The following PTPRS variants were observed in gnomAD, a reference collection of about 807,000 sequenced individuals.
PTPRS encodes the protein receptor-type tyrosine-protein phosphatase S.
Under a neutral mutation model 215.3 loss-of-function variants are expected in PTPRS, and 63 were observed. That is an observed-to-expected ratio of 0.29 (90% CI 0.24 to 0.36). PTPRS has a LOEUF of 0.36. PTPRS is among the 10% of genes least tolerant of loss of function. The pLI, the probability that PTPRS is intolerant of heterozygous loss-of-function variation, is 1.00. For missense variants in PTPRS, 2,258 were observed against 2,825.8 expected (o/e 0.80, Z 4.56); for synonymous variants, 1,404 against 1,191.4 (o/e 1.18, Z -3.68).
Position 5,229,565 on chromosome 19 carries a change from G to T in PTPRS, c.2275C>A (p.His759Asn). 6.9e-7 allele frequency: 1 copy of T among 1,458,354 alleles called. No individual in the cohort carries two copies. 90.3% of individuals were successfully genotyped at this position (1,458,354 alleles called of 1,614,324 possible). ...QHGQIRGYQV[H>N]YVRMEGAEAR... ...TCGGCGCCCTCCATGCGCACGTAGTGGACCTGGTAGCCGCGGATCTGGCCG... is the reference window on the plus strand; with the variant it reads ...TCGGCGCCCTCCATGCGCACGTAGTTGACCTGGTAGCCGCGGATCTGGCCG... The change falls in exon 15 of 38, where the codon CAC (histidine) becomes AAC (asparagine). Residue 759 changes from histidine to asparagine, a missense_variant. By Grantham distance (68) the His-to-Asn change is moderately conservative. Around this residue, in one of 6 missense-constraint regions of PTPRS, gnomAD observed 371 missense variants for 446.7 expected, o/e 0.83. Coordinates refer to ENST00000262963, the MANE Select transcript of PTPRS (RefSeq NM_002850.4).
At chr19:5,241,017 G>A (rs1434493881) in intron 11 of PTPRS, among the ~76,000 whole-genome samples, 3 of 147,518 alleles carry the variant, frequency 2.0e-5, no homozygotes, top group Non-Finnish European at 3.0e-5. Flanking sequence ...AGCCTCCCAA[G>A]TAGCTGGGAT....
intron 1 of PTPRS, among the ~76,000 whole-genome samples, chr19:5,307,958 C>T (rs962064948): frequency 6.6e-6 from 1 of 152,162 alleles, no homozygotes; most frequent in African/African-American, 2.4e-5. Flanking sequence ...AGAGATCATC[C>T]GGCCGGCAAA....
Position 5,222,560 on chromosome 19 carries a change from C to CT in PTPRS, c.3103+128dup, listed in dbSNP as rs1599461587. 2.7e-6 allele frequency: 3 copies of CT among 1,129,564 alleles called. No homozygotes were observed. The East Asian group carries it at 8.4e-5, about 32-fold the overall frequency. 70.0% of individuals were successfully genotyped at this position (1,129,564 alleles called of 1,614,324 possible). On this transcript the variant is annotated intron_variant, in intron 18 of 37. Coordinates refer to ENST00000262963, the MANE Select transcript of PTPRS (RefSeq NM_002850.4). ...CAACGCCGGAGCCTCGGGGTCCGGACTTGCCTTGAGTGACCACGAGGAAGC... is the reference window on the plus strand; with the variant it reads ...CAACGCCGGAGCCTCGGGGTCCGGACTTTGCCTTGAGTGACCACGAGGAAGC...
intron 4 of PTPRS, among the ~76,000 whole-genome samples, chr19:5,272,149 C>A (rs1454929941): frequency 6.6e-6 from 1 of 152,168 alleles, no homozygotes; most frequent in Non-Finnish European, 1.5e-5. Context: ...TAAGACCAAA[C>A]TGCAGTGGAG....
chr19:5,300,588 T>C (rs1300731472), intron 1 of PTPRS, among the ~76,000 whole-genome samples: 1 of 151,820 alleles, frequency 6.6e-6, no homozygotes, highest in African/African-American at 2.4e-5. Context: ...CTGGGCAATA[T>C]AGTGAGACCC....
chr19:5,297,527 C>T (rs1380331578), intron 1 of PTPRS, among the ~76,000 whole-genome samples: 1 of 152,114 alleles, frequency 6.6e-6, no homozygotes, highest in African/African-American at 2.4e-5. Context: ...TGGACACCCA[C>T]AGAAAAACAA....
intron 1 of PTPRS, among the ~76,000 whole-genome samples, chr19:5,326,778 A>G (rs1299515123): frequency 1.5e-5 from 1 of 67,710 alleles, no homozygotes; most frequent in East Asian, 2.8e-4. Flanking sequence ...AGAAGGGAAG[A>G]GAAGGAAGGA....
At chr19:5,325,842 G>A (rs984451038) in intron 1 of PTPRS, among the ~76,000 whole-genome samples, 1 of 152,244 alleles carries the variant, frequency 6.6e-6, no homozygotes, top group African/African-American at 2.4e-5. Flanking sequence ...AGGCCATGGG[G>A]AAGCAACGCT....
In PTPRS at chr19:5,219,978, A is replaced by ATAG; in HGVS notation, c.3723_3725dup (p.Tyr1242dup). 1 of 1,613,926 alleles carries ATAG rather than the reference A, an allele frequency of 6.2e-7. No homozygotes were observed. The highest frequency in any genetic ancestry group is 8.5e-7 in the Non-Finnish European group (1 of 1,180,002). On this transcript the variant is annotated inframe_insertion, in exon 22 of 38. Transcript: ENST00000262963. ...GAAGCACGGCAAGCACGAAGAGGAC[A>ATAG]TAGCGGTGGCCGGGCTCCAGGCCCC...
intron 11 of PTPRS, among the ~76,000 whole-genome samples, chr19:5,240,557 C>T (rs1003277505): frequency 5.9e-5 from 9 of 152,056 alleles, no homozygotes; most frequent in Admixed American, 2.0e-4. Flanking sequence ...ATCCCCCTTT[C>T]GGCCGGGCAC....
At chr19:5,332,112 G>T (rs991258672) in intron 1 of PTPRS, among the ~76,000 whole-genome samples, 2 of 151,390 alleles carry the variant, frequency 1.3e-5, no homozygotes, top group East Asian at 3.9e-4. Flanking sequence ...TTCAACCCAA[G>T]GATGTTAAAA....
rs757380672 is a variant in PTPRS, at chr19:5,257,460, G to T, written c.706+557C>A. 4.4e-6 allele frequency: 2 copies of T among 457,902 alleles called. No homozygotes were observed. The highest frequency in any genetic ancestry group is 4.0e-5 in the African/African-American group (2 of 50,132). The allele number at this position is 457,902 out of a possible 1,614,324, so 28.4% of individuals were successfully genotyped here. On this transcript the variant is annotated intron_variant, in intron 8 of 37. Transcript: ENST00000262963. This position sits in a 1 kb window ranked among gnomAD's most constrained non-coding sequence, Gnocchi z 4.4. ...GAGTCATTAGGAAGAGGCAGAAGGC[G>T]CCGGGCTCCGGACCAGCTGGTGGGG...
chr19:5,211,351 A>T (rs574005497), intron 33 of PTPRS, among the ~76,000 whole-genome samples: 1 of 152,232 alleles, frequency 6.6e-6, no homozygotes, highest in Non-Finnish European at 1.5e-5. Context: ...AATTACCCCA[A>T]TTGAGAACCA....
chr19:5,316,606 C>T (rs548881394), intron 1 of PTPRS, among the ~76,000 whole-genome samples: 2 of 151,898 alleles, frequency 1.3e-5, no homozygotes, highest in Non-Finnish European at 2.9e-5. Flanking sequence ...TTGGCCAGGC[C>T]GGTCTCCAAC....
chr19:5,214,382 G>A lies in PTPRS; in HGVS notation c.4593C>T (p.Val1531=), dbSNP rs745502438. The change falls in exon 30 of 38, where the codon GTC becomes GTT. Residue 1531 remains valine, a synonymous_variant. Coordinates refer to ENST00000262963, the MANE Select transcript of PTPRS (RefSeq NM_002850.4). The part of the protein sequence containing the change: ...LDTIELATFC[V]RTFSLHKNGS... ...CCACCTTGTGCAGAGAGAATGTCCT[G>A]ACGCAGAATGTGGCCAGCTCGATGG... The A allele has an allele frequency of 6.8e-6, 11 of 1,614,030 alleles. No homozygotes were observed. The highest frequency in any genetic ancestry group is 1.3e-5 in the African/African-American group (1 of 74,946).
At chr19:5,241,499 G>A (rs1257034350) in intron 11 of PTPRS, among the ~76,000 whole-genome samples, 1 of 151,800 alleles carries the variant, frequency 6.6e-6, no homozygotes, top group Non-Finnish European at 1.5e-5. Context: ...GCCCAGGCTG[G>A]TCTTGAACTC....
At chr19:5,328,109 CTTT>C (rs1254602044) in intron 1 of PTPRS, among the ~76,000 whole-genome samples, 1 of 152,092 alleles carries the variant, frequency 6.6e-6, no homozygotes, top group Non-Finnish European at 1.5e-5. Context: ...CTTACCACTT[CTTT>C]TGTTTTTTTT....
rs555822389 is a variant in PTPRS at position 5,267,565 on chromosome 19, A to G, written c.380-2369T>C. Among the ~76,000 whole-genome samples, 15 of 151,848 alleles carry G rather than the reference A, an allele frequency of 9.9e-5. No individual in the cohort carries two copies. In the East Asian group the frequency reaches 2.0e-3, roughly 20 times the overall value. ...CCAGTTCCTTGGGAGGCTGAGGCAG[A>G]AGAATCGCTTAAACCCAGGAGGTGG... On this transcript the variant is annotated intron_variant, in intron 4 of 37. Transcript: ENST00000262963.
intron 11 of PTPRS, among the ~76,000 whole-genome samples, chr19:5,240,722 C>T (rs780944242): frequency 3.0e-4 from 45 of 151,210 alleles, no homozygotes; most frequent in Non-Finnish European, 6.0e-4. Flanking sequence ...ACCTGTAGTC[C>T]CAGCTACTCG....
Sources: gnomAD v4.1 joint callset for allele counts (sites outside exome capture counted in the v4.1 genomes callset) on GRCh38, gnomAD v4.1.1 for gene constraint, gnomAD v4.1.1 regional missense constraint, Gnocchi (gnomAD v3.1) non-coding constraint, MANE v1.5 for transcripts, NCBI Gene and HGNC (gene_info 2026-07-23, HGNC 2026-07-21) for gene names.